The following SNAP91 variants were observed in gnomAD, a reference collection of about 807,000 sequenced individuals.
SNAP91 encodes the protein clathrin coat assembly protein AP180.
A neutral mutation model predicts 100.3 loss-of-function variants in SNAP91; 27 were observed. That is an observed-to-expected ratio of 0.27 (90% CI 0.20 to 0.37). The LOEUF is 0.37. SNAP91 is among the 10% of genes least tolerant of loss of function. SNAP91 has a pLI of 1.00. For missense variants in SNAP91, 986 were observed against 1,123.7 expected (o/e 0.88, Z 1.75); for synonymous variants, 404 against 398.6 (o/e 1.01, Z -0.16).
intron 22 of SNAP91, among the ~76,000 whole-genome samples, chr6:83,587,526 T>C (rs1402415120): frequency 2.6e-5 from 4 of 152,138 alleles, no homozygotes; most frequent in East Asian, 1.9e-4. Flanking sequence ...TTAGTTTCAA[T>C]AGACTGTGGA....
chr6:83,682,829 T>C (rs1348643331), intron 2 of SNAP91, among the ~76,000 whole-genome samples: 1 of 151,250 alleles, frequency 6.6e-6, no homozygotes, highest in African/African-American at 2.4e-5. Flanking sequence ...GCCTTTTTTT[T>C]TGAGGAAAAG....
chr6:83,599,457 G>C (rs759096999), intron 16 of SNAP91, among the ~76,000 whole-genome samples: 8 of 152,156 alleles, frequency 5.3e-5, no homozygotes, highest in Non-Finnish European at 1.0e-4. Context: ...CAATAACAGA[G>C]GGTGGGGGAA....
rs1413770477 is a variant in SNAP91 at position 83,631,610 on chromosome 6, T to A, written c.766-8268A>T. 5.3e-5 allele frequency among the ~76,000 whole-genome samples: 8 copies of A among 152,166 alleles called. No individual in the cohort carries two copies. In the East Asian group the frequency reaches 7.7e-4, roughly 15 times the overall value. On this transcript the variant is annotated intron_variant, in intron 8 of 29. Coordinates refer to ENST00000369694, the MANE Select transcript of SNAP91 (RefSeq NM_001242792.2). ...TATAATGTCCTTTTTTTGTCTTTTTTAACTGCTGTTAAAGTTTGTATTGTC... is the reference window on the plus strand; with the variant it reads ...TATAATGTCCTTTTTTTGTCTTTTTAAACTGCTGTTAAAGTTTGTATTGTC...
chr6:83,594,051 G>C (rs889665150), intron 17 of SNAP91, among the ~76,000 whole-genome samples: 2 of 151,988 alleles, frequency 1.3e-5, no homozygotes, highest in African/African-American at 4.8e-5. Flanking sequence ...GGTCAATCTG[G>C]TAGCTTTGAA....
intron 27 of SNAP91, 130 bp downstream of exon 27, chr6:83,560,734 T>C (rs557223673): frequency 1.1e-4 from 84 of 756,620 alleles, no homozygotes; most frequent in Non-Finnish European, 1.8e-4. Flanking sequence ...TTAAAGCAGA[T>C]GACAACTTTT....
intron 2 of SNAP91, among the ~76,000 whole-genome samples, chr6:83,685,871 A>C (rs2099053283): frequency 6.6e-6 from 1 of 152,188 alleles, no homozygotes; most frequent in South Asian, 2.1e-4. Context: ...GCTCTACCGA[A>C]TGCATTCCCA....
At chr6:83,560,306 G>A in intron 27 of SNAP91, 98 bp from the exon 28 acceptor site, 1 of 814,628 alleles carries the variant, frequency 1.2e-6, no homozygotes, top group South Asian at 1.6e-5. Flanking sequence ...GACAATATTT[G>A]AGGAATCCAG....
chr6:83,693,502 T>C (rs1237539229), intron 2 of SNAP91, among the ~76,000 whole-genome samples: 3 of 152,212 alleles, frequency 2.0e-5, no homozygotes, highest in Non-Finnish European at 4.4e-5. Context: ...GGTACCTAAG[T>C]GGCAACTCAA....
At chr6:83,606,923 T>G (rs1391901144) in intron 13 of SNAP91, among the ~76,000 whole-genome samples, 1 of 152,156 alleles carries the variant, frequency 6.6e-6, no homozygotes, top group Admixed American at 6.6e-5. Flanking sequence ...TTATGCCAAA[T>G]TTGCTATTAT....
At chr6:83,561,844 C>T (rs928311274) in intron 26 of SNAP91, among the ~76,000 whole-genome samples, 16 of 152,090 alleles carry the variant, frequency 1.1e-4, no homozygotes, top group Non-Finnish European at 7.4e-5. Flanking sequence ...TAGCAAGAAC[C>T]CATCTCCACA....
At position 83,603,826 on chromosome 6, in the gene SNAP91, T is replaced by C. The variant is rs149080237; in HGVS notation, c.1141+1859A>G. Among the ~76,000 whole-genome samples, 23 of 152,308 alleles carry C rather than the reference T, an allele frequency of 1.5e-4. No individual in the cohort carries two copies. In the East Asian group the frequency reaches 4.4e-3, roughly 29 times the overall value. On this transcript the variant is annotated intron_variant, in intron 14 of 29. Transcript: ENST00000369694. ...TATAGTACAGCCCTGGCTAAAACCA[T>C]ACTGCTCTGCTTTGTCTTTTTATGT...
At chr6:83,696,907 G>A (rs1418850431) in intron 2 of SNAP91, among the ~76,000 whole-genome samples, 1 of 152,084 alleles carries the variant, frequency 6.6e-6, no homozygotes, top group Non-Finnish European at 1.5e-5. Context: ...CCAAATATTT[G>A]TTAAATGAAT....
chr6:83,561,318 T>G (rs1787273418), intron 26 of SNAP91, among the ~76,000 whole-genome samples: 1 of 152,224 alleles, frequency 6.6e-6, no homozygotes, highest in Admixed American at 6.5e-5. Flanking sequence ...ATGCTGGGAT[T>G]ACAGGCATGA....
intron 8 of SNAP91, among the ~76,000 whole-genome samples, chr6:83,627,852 T>C (rs892382073): frequency 1.3e-5 from 2 of 151,952 alleles, no homozygotes; most frequent in Non-Finnish European, 2.9e-5. Flanking sequence ...CATTTATTTA[T>C]TTATTTAATT....
intron 8 of SNAP91, among the ~76,000 whole-genome samples, chr6:83,635,823 A>G (rs576373724): frequency 3.9e-5 from 6 of 152,208 alleles, no homozygotes; most frequent in African/African-American, 1.4e-4. Context: ...TTTTGTTTCC[A>G]AGTTTAGAAC....
At chr6:83,679,716 T>C (rs570781051) in intron 2 of SNAP91, among the ~76,000 whole-genome samples, 2 of 152,324 alleles carry the variant, frequency 1.3e-5, no homozygotes, top group African/African-American at 2.4e-5. Context: ...CTTTATGTTT[T>C]TAATCCTTAA....
chr6:83,621,698 C>A (rs1006872641), intron 9 of SNAP91, among the ~76,000 whole-genome samples: 3 of 152,060 alleles, frequency 2.0e-5, no homozygotes, highest in Admixed American at 1.3e-4. Flanking sequence ...TTTAAGTAGT[C>A]ATTTGAATAT....
At chr6:83,645,149 A>G (rs909211834) in intron 7 of SNAP91, among the ~76,000 whole-genome samples, 6 of 152,188 alleles carry the variant, frequency 3.9e-5, no homozygotes, top group Non-Finnish European at 8.8e-5. Flanking sequence ...ATTCTTGAGG[A>G]AAGTCCTTGA....
chr6:83,647,029 T>C (rs1486837735), intron 7 of SNAP91, among the ~76,000 whole-genome samples: 1 of 152,044 alleles, frequency 6.6e-6, no homozygotes, highest in African/African-American at 2.4e-5. Context: ...TTTTGTACAT[T>C]AACCATTTTT....
Sources: allele counts gnomAD v4.1 joint callset (sites outside exome capture counted in the v4.1 genomes callset), GRCh38; gene constraint gnomAD v4.1.1; transcripts MANE v1.5; gene names NCBI Gene and HGNC (gene_info 2026-07-23, HGNC 2026-07-21).